PARP9: variants seen among roughly 807,000 people sequenced by gnomAD.
The protein encoded by PARP9 is protein mono-ADP-ribosyltransferase PARP9.
Under a neutral mutation model 68.8 loss-of-function variants are expected in PARP9, and 48 were observed. That is an observed-to-expected ratio of 0.70 (90% CI 0.55 to 0.89). The LOEUF (loss-of-function observed/expected upper bound fraction) is 0.89, where lower values mean the gene tolerates loss of function less well. Ranked by LOEUF, PARP9 falls within the 40% of genes least tolerant of loss-of-function variation. PARP9 has a pLI of 0.00. For missense variants in PARP9, 806 were observed against 969.3 expected (o/e 0.83, Z 2.24); for synonymous variants, 309 against 333.8 (o/e 0.93, Z 0.81).
At chr3:122,542,091 A>G (rs1290224132) in intron 7 of PARP9, among the ~76,000 whole-genome samples, 4 of 152,154 alleles carry the variant, frequency 2.6e-5, no homozygotes. Context: ...TGTTCTGTCT[A>G]GGAGATTATA....
At chr3:122,541,876 T>C (rs1484201548) in intron 7 of PARP9, among the ~76,000 whole-genome samples, 2 of 152,206 alleles carry the variant, frequency 1.3e-5, no homozygotes, top group African/African-American at 4.8e-5. Context: ...AATATCTGAA[T>C]AGCAGTGGAA....
chr3:122,544,052 T>A lies in PARP9; in HGVS notation c.1384+1380A>T, dbSNP rs887336030. 9.8e-5 allele frequency among the ~76,000 whole-genome samples: 15 copies of A among 152,378 alleles called. No individual in the cohort carries two copies. In the East Asian group the frequency reaches 2.9e-3, roughly 29 times the overall value. Reference sequence around the variant, plus strand: ...CAGACCTTTTTATGTTCCTTTTTTATGTTATCCTCACCTAAAACTCCTCTT... The same window carrying A: ...CAGACCTTTTTATGTTCCTTTTTTAAGTTATCCTCACCTAAAACTCCTCTT... On this transcript the variant is annotated intron_variant, in intron 7 of 10. Transcript: ENST00000682323.
chr3:122,547,700 AG>A (rs1228265907), intron 6 of PARP9, among the ~76,000 whole-genome samples: 1 of 151,890 alleles, frequency 6.6e-6, no homozygotes, highest in African/African-American at 2.4e-5. Flanking sequence ...AAAAAATAAA[AG>A]TATTAGCCAG....
chr3:122,561,213 C>T (rs1029852587), intron 1 of PARP9, among the ~76,000 whole-genome samples: 3 of 152,216 alleles, frequency 2.0e-5, no homozygotes, highest in African/African-American at 7.2e-5. Context: ...AACCACAGCA[C>T]TTTGGGAGGC....
chr3:122,542,395 CATA>C (rs1169751111), intron 7 of PARP9, among the ~76,000 whole-genome samples: 7 of 149,586 alleles, frequency 4.7e-5, no homozygotes, highest in South Asian at 2.1e-4. Context: ...GGCCAATAAT[CATA>C]ATAATAATAA....
At chr3:122,553,862 T>C (rs1005807042) in intron 4 of PARP9, among the ~76,000 whole-genome samples, 1 of 152,118 alleles carries the variant, frequency 6.6e-6, no homozygotes, top group African/African-American at 2.4e-5. Context: ...AACCCTTAGA[T>C]GCATGCCCAG....
intron 7 of PARP9, among the ~76,000 whole-genome samples, chr3:122,542,398 A>C (rs1424633369): frequency 6.7e-6 from 1 of 149,618 alleles, no homozygotes; most frequent in Non-Finnish European, 1.5e-5. Flanking sequence ...CAATAATCAT[A>C]ATAATAATAA....
chr3:122,564,319 C>T (rs2080500813), upstream of PARP9: 1 of 1,309,658 alleles, frequency 7.6e-7, no homozygotes, highest in Non-Finnish European at 1.0e-6. Flanking sequence ...CAGGGAGGGA[C>T]CTCCAGGGAA....
At chr3:122,564,736 C>A, upstream of PARP9, 1 of 1,213,522 alleles carries the variant, frequency 8.2e-7, no homozygotes, top group Non-Finnish European at 1.1e-6. Flanking sequence ...TGTGCGGTGG[C>A]GGACAGGGAC....
intron 1 of PARP9, among the ~76,000 whole-genome samples, chr3:122,560,370 ATTTC>A (rs1452313551): frequency 6.6e-6 from 1 of 151,838 alleles, no homozygotes; most frequent in African/African-American, 2.4e-5. Flanking sequence ...CCTCGAAATG[ATTTC>A]TTTGTTTGTT....
intron 9 of PARP9, chr3:122,536,687 C>T (rs2077670995): frequency 9.1e-6 from 5 of 549,754 alleles, no homozygotes; most frequent in South Asian, 8.2e-5. Flanking sequence ...TTTTATTTTG[C>T]TCAAAGACGG....
At chr3:122,529,545 T>C (rs997832732) in intron 10 of PARP9, among the ~76,000 whole-genome samples, 2 of 151,424 alleles carry the variant, frequency 1.3e-5, no homozygotes, top group African/African-American at 2.4e-5. Context: ...GGTCAGGAGA[T>C]GGACACCATC....
rs1018776660 is a variant in PARP9 at position 122,532,397 on chromosome 3, A to G, written c.2081-3654T>C. The G allele has an allele frequency of 1.2e-5, 12 of 985,222 alleles. No individual in the cohort carries two copies. The South Asian group carries it at 4.2e-4, about 35-fold the overall frequency. The allele number at this position is 985,222 out of a possible 1,614,324, so 61.0% of individuals were successfully genotyped here. On this transcript the variant is annotated intron_variant, in intron 10 of 10. Coordinates refer to ENST00000682323, the MANE Select transcript of PARP9 (RefSeq NM_001146105.2). ...CATAAGCCAGACAACCCTCCCCACAATGCCTCTCCCAGCATAGACAAAAGA... is the reference window on the plus strand; with the variant it reads ...CATAAGCCAGACAACCCTCCCCACAGTGCCTCTCCCAGCATAGACAAAAGA...
intron 10 of PARP9, among the ~76,000 whole-genome samples, chr3:122,531,241 T>C (rs1035759535): frequency 6.6e-6 from 1 of 152,216 alleles, no homozygotes; most frequent in Non-Finnish European, 1.5e-5. Context: ...ATGATCCCTA[T>C]TCTCAACATT....
At position 122,555,923 on chromosome 3, in the gene PARP9, A is replaced by G. The variant is rs975004326; in HGVS notation, c.248T>C (p.Ile83Thr). ...GTCATCTTTCCAGACTGATAACTCT[A>G]TCCTAGGAGTCAGCATTTTTCTGAA... ...QVFRKMLTPRIELSVWKDDLT... is the reference protein window; with the variant it reads ...QVFRKMLTPRTELSVWKDDLT... Residue 83 changes from isoleucine to threonine, a missense_variant, in exon 4 of 11, where the codon ATA (isoleucine) becomes ACA (threonine). Coordinates refer to ENST00000682323, the MANE Select transcript of PARP9 (RefSeq NM_001146105.2). The G allele has an allele frequency of 6.2e-6, 10 of 1,614,014 alleles. No individual in the cohort carries two copies. Among genetic ancestry groups the G allele is most frequent in the Non-Finnish European group, 8.5e-6 (10 of 1,180,002 alleles).
Position 122,528,323 on chromosome 3 carries a change from C to G in PARP9, c.*41G>C, listed in dbSNP as rs776167155. Reference sequence around the variant, plus strand: ...CGATGGTCATTATTTGGTTAGTTCACCCAAGGTAAGGCCATACCAGCTGTT... The same window carrying G: ...CGATGGTCATTATTTGGTTAGTTCAGCCAAGGTAAGGCCATACCAGCTGTT... On this transcript the variant is annotated 3_prime_UTR_variant, in exon 11 of 11. Transcript: ENST00000682323. 3 of 1,578,664 alleles carry G rather than the reference C, an allele frequency of 1.9e-6. No homozygotes were observed. The African/African-American group carries it at 4.0e-5, about 21-fold the overall frequency.
At chr3:122,533,664 T>C (rs553192797) in intron 10 of PARP9, 1 of 983,066 alleles carries the variant, frequency 1.0e-6, no homozygotes, top group Non-Finnish European at 1.2e-6. Flanking sequence ...TAGAATGTGC[T>C]TAATAAATAC....
rs372506487 is a variant in PARP9, at chr3:122,528,733, G to A, written c.2091C>T (p.Tyr697=). 34 of 1,581,486 alleles carry A rather than the reference G, an allele frequency of 2.1e-5. No individual in the cohort carries two copies. Among genetic ancestry groups the A allele is most frequent in the Admixed American group, 1.5e-4 (8 of 53,116 alleles). ...RMYSTPCDPK[Y]GAGIYFTKNL... is the part of the protein sequence containing the mutation. ...TCTTGGTGAAGTATATGCCAGCTCCGTATTTTGGATCTGATAAAGGAAAAA... is the reference window on the plus strand; with the variant it reads ...TCTTGGTGAAGTATATGCCAGCTCCATATTTTGGATCTGATAAAGGAAAAA... Residue 697 remains tyrosine, a synonymous_variant, in exon 11 of 11, where the codon TAC becomes TAT. Transcript: ENST00000682323.
rs1044060184 is a variant in PARP9, at chr3:122,533,686, A to G, written c.2080+2482T>C. On this transcript the variant is annotated intron_variant, in intron 10 of 10. Coordinates refer to ENST00000682323, the MANE Select transcript of PARP9 (RefSeq NM_001146105.2). Reference sequence around the variant, plus strand: ...TGCTTAATAAATACCTGTGGAACAAATGAATCAACCCAGTAAGAAACTGCA... The same window carrying G: ...TGCTTAATAAATACCTGTGGAACAAGTGAATCAACCCAGTAAGAAACTGCA... 7 of 985,426 alleles carry G rather than the reference A, an allele frequency of 7.1e-6. No homozygotes were observed. In the African/African-American group the frequency reaches 1.2e-4, roughly 17 times the overall value. 61.0% of individuals were successfully genotyped at this position (985,426 alleles called of 1,614,324 possible). A position where few individuals can be genotyped will look rare whatever the true frequency, so the allele number is the denominator to read the frequency against.
Sources: allele counts gnomAD v4.1 joint callset (sites outside exome capture counted in the v4.1 genomes callset), GRCh38; gene constraint gnomAD v4.1.1; transcripts MANE v1.5; gene names NCBI Gene and HGNC (gene_info 2026-07-23, HGNC 2026-07-21).